Variants in ASPH observed in about 807,000 individuals in gnomAD.
The protein encoded by ASPH is aspartyl/asparaginyl beta-hydroxylase.
ASPH carries 100 observed loss-of-function variants against 118.4 expected under a neutral mutation model. That is an observed-to-expected ratio of 0.84 (90% CI 0.72 to 1.00). The LOEUF (loss-of-function observed/expected upper bound fraction) is 1.00. Ranked by LOEUF, ASPH falls within the 50% of genes least tolerant of loss-of-function variation. The pLI, the probability that ASPH is intolerant of heterozygous loss-of-function variation, is 0.00. For missense variants in ASPH, 920 were observed against 919.5 expected (o/e 1.00, Z -0.01); for synonymous variants, 315 against 325.6 (o/e 0.97, Z 0.35).
intron 4 of ASPH, among the ~76,000 whole-genome samples, chr8:61,651,848 C>A (rs1158169497): frequency 6.6e-6 from 1 of 152,190 alleles, no homozygotes; most frequent in South Asian, 2.1e-4. Context: ...GAACAAGAAG[C>A]TATAACTACA....
chr8:61,589,182 G>A (rs899678285), intron 14 of ASPH, among the ~76,000 whole-genome samples: 8 of 152,164 alleles, frequency 5.3e-5, no homozygotes, highest in African/African-American at 1.9e-4. Context: ...GATAAAAGCT[G>A]TATCTAGATG....
chr8:61,672,193 A>C (rs1346503006), intron 3 of ASPH, among the ~76,000 whole-genome samples: 1 of 152,202 alleles, frequency 6.6e-6, no homozygotes, highest in Non-Finnish European at 1.5e-5. Flanking sequence ...AGGACACTAC[A>C]CCAATTGCTT....
chr8:61,714,124 C>T, intron 1 of ASPH, 145 bp downstream of exon 1: 2 of 1,232,742 alleles, frequency 1.6e-6, no homozygotes, highest in Non-Finnish European at 2.0e-6. Flanking sequence ...CGGCCTCCGC[C>T]CCGCGCGCCT....
Position 61,684,028 on chromosome 8 carries a change from A to G in ASPH, c.253+11T>C. The G allele has an allele frequency of 6.2e-7, 1 of 1,612,790 alleles. No individual in the cohort carries two copies. Among genetic ancestry groups the G allele is most frequent in the East Asian group, 2.2e-5 (1 of 44,836 alleles). ...TCTTACAAATTCACATAAGGATATCAAAATTCTTACCTAGAACTTCCTCAT... is the reference window on the plus strand; with the variant it reads ...TCTTACAAATTCACATAAGGATATCGAAATTCTTACCTAGAACTTCCTCAT... On this transcript the variant is annotated intron_variant, in intron 2 of 24. Coordinates refer to ENST00000379454, the MANE Select transcript of ASPH (RefSeq NM_004318.4).
chr8:61,659,421 AAAG>A (rs1175824581), intron 3 of ASPH: 1 of 152,228 alleles, frequency 6.6e-6, no homozygotes, highest in East Asian at 1.9e-4. Flanking sequence ...TACATAAGGC[AAAG>A]AAGATGGAAA....
intron 3 of ASPH, chr8:61,661,814 C>G (rs1292948479): frequency 2.6e-6 from 1 of 383,216 alleles, no homozygotes; most frequent in African/African-American, 2.1e-5. Context: ...ACAGAATTAA[C>G]TTAAGTAGTC....
rs1826561313 is a variant in ASPH at position 61,553,025 on chromosome 8, C to T, written c.1626+6G>A. Reference sequence around the variant, plus strand: ...AGAGAGAATCAGAAATTCATATACCCATTACCTCTTTGTTCCCAACCCTCT... The same window carrying T: ...AGAGAGAATCAGAAATTCATATACCTATTACCTCTTTGTTCCCAACCCTCT... On this transcript the variant is annotated splice_donor_region_variant and intron_variant, in intron 20 of 24. Coordinates refer to ENST00000379454, the MANE Select transcript of ASPH (RefSeq NM_004318.4). 4 of 1,599,812 alleles carry T rather than the reference C, an allele frequency of 2.5e-6. No individual in the cohort carries two copies. Among genetic ancestry groups the T allele is most frequent in the Non-Finnish European group, 3.4e-6 (4 of 1,167,238 alleles).
At chr8:61,590,867 G>T (rs967374805) in intron 14 of ASPH, among the ~76,000 whole-genome samples, 1 of 151,974 alleles carries the variant, frequency 6.6e-6, no homozygotes, top group African/African-American at 2.4e-5. Context: ...TAACTTTTGA[G>T]ACCTCGTTTA....
chr8:61,606,094 A>C (rs1845496379), intron 14 of ASPH, among the ~76,000 whole-genome samples: 1 of 152,216 alleles, frequency 6.6e-6, no homozygotes, highest in African/African-American at 2.4e-5. Flanking sequence ...GACTGTCTGG[A>C]AGTGCCATGA....
intron 1 of ASPH, among the ~76,000 whole-genome samples, chr8:61,713,387 C>G (rs1426557304): frequency 5.9e-5 from 9 of 152,166 alleles, no homozygotes; most frequent in Admixed American, 5.9e-4. Context: ...ATAGCTGATT[C>G]ATTTTCTTGG....
At chr8:61,530,591 A>G (rs1345954465) in intron 21 of ASPH, among the ~76,000 whole-genome samples, 1 of 151,988 alleles carries the variant, frequency 6.6e-6, no homozygotes, top group Non-Finnish European at 1.5e-5. Flanking sequence ...ATTAAGTCCT[A>G]TTTTTAAAAT....
At chr8:61,706,457 G>GGAA (rs1333838363) in intron 1 of ASPH, among the ~76,000 whole-genome samples, 6 of 126,944 alleles carry the variant, frequency 4.7e-5, no homozygotes, top group African/African-American at 1.9e-4. Flanking sequence ...AGAAGAAGAA[G>GGAA]GAGGAAGAGG....
chr8:61,596,595 C>A (rs13250696), intron 14 of ASPH, among the ~76,000 whole-genome samples: 2 of 152,106 alleles, frequency 1.3e-5, no homozygotes, highest in East Asian at 3.9e-4. Context: ...CACTAAAATT[C>A]ACAGCTAAAC....
At chr8:61,704,548 T>A (rs1240081914) in intron 1 of ASPH, among the ~76,000 whole-genome samples, 3 of 151,342 alleles carry the variant, frequency 2.0e-5, no homozygotes, top group Admixed American at 6.6e-5. Context: ...AATAAAAAAA[T>A]AAAAAGGTAA....
At chr8:61,549,250 G>T (rs1051410131) in intron 20 of ASPH, among the ~76,000 whole-genome samples, 7 of 152,176 alleles carry the variant, frequency 4.6e-5, no homozygotes, top group African/African-American at 1.7e-4. Flanking sequence ...ACTGAAGGGG[G>T]ATAGCAATAT....
At chr8:61,641,480 A>T (rs1805092065) in intron 10 of ASPH, among the ~76,000 whole-genome samples, 1 of 152,078 alleles carries the variant, frequency 6.6e-6, no homozygotes, top group Non-Finnish European at 1.5e-5. Context: ...ATTATTCCCC[A>T]ACCTTCCCTC....
At chr8:61,524,107 C>T (rs1025996037) in intron 22 of ASPH, among the ~76,000 whole-genome samples, 1 of 152,116 alleles carries the variant, frequency 6.6e-6, no homozygotes, top group African/African-American at 2.4e-5. Flanking sequence ...GAAGCAACTA[C>T]AACAGATTGG....
chr8:61,638,191 A>ATT, intron 11 of ASPH, 131 bp downstream of exon 11: 1 of 1,261,912 alleles, frequency 7.9e-7, no homozygotes. Flanking sequence ...TTGATACTCA[A>ATT]TTATTTTCTT....
chr8:61,711,575 CTG>C (rs1838068696), intron 1 of ASPH, among the ~76,000 whole-genome samples: 1 of 151,954 alleles, frequency 6.6e-6, no homozygotes, highest in African/African-American at 2.4e-5. Flanking sequence ...CTTTAAAAAT[CTG>C]TGATATAAAT....
Sources: gnomAD v4.1 joint callset for allele counts (sites outside exome capture counted in the v4.1 genomes callset) on GRCh38, gnomAD v4.1.1 for gene constraint, MANE v1.5 for transcripts, NCBI Gene and HGNC (gene_info 2026-07-23, HGNC 2026-07-21) for gene names.